The following CCDC39 variants were observed in gnomAD, a reference collection of about 807,000 sequenced individuals.
CCDC39 encodes coiled-coil domain 39 molecular ruler complex subunit.
Under a neutral mutation model 121.0 loss-of-function variants are expected in CCDC39, and 113 were observed. The observed-to-expected ratio is 0.93, with a 90% confidence interval of 0.80 to 1.09. The LOEUF is 1.09. CCDC39 is among the 50% of genes least tolerant of loss of function. The pLI is 0.00. For missense variants in CCDC39, 1,063 were observed against 1,074.7 expected (o/e 0.99, Z 0.15); for synonymous variants, 349 against 352.2 (o/e 0.99, Z 0.10).
chr3:180,669,030 T>C (rs1329194458), intron 1 of CCDC39, among the ~76,000 whole-genome samples: 1 of 152,248 alleles, frequency 6.6e-6, no homozygotes, highest in Non-Finnish European at 1.5e-5. Flanking sequence ...GTAATGCACA[T>C]GAAATGCATG....
intron 13 of CCDC39, among the ~76,000 whole-genome samples, chr3:180,636,058 C>T (rs1424055391): frequency 5.9e-5 from 9 of 152,120 alleles, no homozygotes; most frequent in Admixed American, 6.6e-5. Context: ...ACAAGGATGC[C>T]CTCTCTCGTC....
intron 13 of CCDC39, among the ~76,000 whole-genome samples, chr3:180,635,751 A>T (rs1717810055): frequency 6.6e-6 from 1 of 152,190 alleles, no homozygotes; most frequent in African/African-American, 2.4e-5. Context: ...GCTGATATTG[A>T]GTACCTGCGG....
intron 2 of CCDC39, 52 bp downstream of exon 2, chr3:180,663,815 G>C: frequency 6.4e-7 from 1 of 1,560,480 alleles, no homozygotes; most frequent in South Asian, 1.1e-5. Flanking sequence ...AATATACTAT[G>C]AGATGTTCCA....
intron 1 of CCDC39, among the ~76,000 whole-genome samples, chr3:180,675,817 A>G (rs1474262205): frequency 1.3e-5 from 2 of 152,234 alleles, no homozygotes; most frequent in Admixed American, 6.5e-5. Flanking sequence ...ATGGAACAGA[A>G]TAGAGCCCTC....
chr3:180,671,088 T>C (rs1244073926), intron 1 of CCDC39, among the ~76,000 whole-genome samples: 1 of 151,822 alleles, frequency 6.6e-6, no homozygotes, highest in Non-Finnish European at 1.5e-5. Context: ...GGTATGCACC[T>C]GTAATCCCAC....
intron 1 of CCDC39, among the ~76,000 whole-genome samples, chr3:180,669,104 A>G (rs1218884019): frequency 1.3e-5 from 2 of 152,202 alleles, no homozygotes; most frequent in Non-Finnish European, 2.9e-5. Context: ...TAGACCATTC[A>G]TTAAATAGTT....
At chr3:180,665,802 C>G (rs564135287) in intron 1 of CCDC39, among the ~76,000 whole-genome samples, 134 of 151,426 alleles carry the variant, frequency 8.8e-4, no homozygotes, top group Non-Finnish European at 1.5e-3. Context: ...AGAAACATGC[C>G]TAAGTATTTA....
chr3:180,631,382 T>C, intron 14 of CCDC39, 87 bp downstream of exon 14: 1 of 1,275,188 alleles, frequency 7.8e-7, no homozygotes, highest in Non-Finnish European at 1.1e-6. Context: ...AATATTGTTG[T>C]TTTTTTATTT....
chr3:180,619,750 TC>T (rs1717379214), intron 15 of CCDC39, 60 bp downstream of exon 15: 4 of 992,716 alleles, frequency 4.0e-6, no homozygotes, highest in East Asian at 5.4e-5. Flanking sequence ...CTCACAGTGT[TC>T]CTTTTAACTA....
At chr3:180,639,181 T>C (rs1404064423) in intron 13 of CCDC39, among the ~76,000 whole-genome samples, 2 of 152,112 alleles carry the variant, frequency 1.3e-5, no homozygotes, top group African/African-American at 4.8e-5. Context: ...GCCCACAAGC[T>C]AAGAATGACT....
intron 1 of CCDC39, among the ~76,000 whole-genome samples, chr3:180,665,977 T>C (rs1440059957): frequency 6.6e-6 from 1 of 152,208 alleles, no homozygotes; most frequent in African/African-American, 2.4e-5. Flanking sequence ...ATATACAACA[T>C]AAAATATTCC....
In CCDC39 at chr3:180,654,936, C is replaced by G. The variant is rs768841192; in HGVS notation, c.756G>C (p.Lys252Asn). 6.4e-7 allele frequency: 1 copy of G among 1,566,110 alleles called. No individual in the cohort carries two copies. The highest frequency in any genetic ancestry group is 2.3e-5 in the East Asian group (1 of 42,838). ...AATTTTCTTTTTCTCTCGTTTCCTG[C>G]TTTATCCTTGCTAATTCCTAGGATT... ...DNCALELARIKQETREKENLV... is the reference protein window; with the variant it reads ...DNCALELARINQETREKENLV... The change falls in exon 7 of 20, where the codon AAG becomes AAC. Residue 252 changes from lysine to asparagine, a missense_variant. By Grantham distance (94) the Lys-to-Asn change is moderately conservative. Coordinates refer to ENST00000476379, the MANE Select transcript of CCDC39 (RefSeq NM_181426.2).
At position 180,675,416 on chromosome 3, in the gene CCDC39, C is replaced by T. The variant is rs186382600; in HGVS notation, c.90+3875G>A. Reference sequence around the variant, plus strand: ...CTAGCGGTCTATCAATTTTGTTGATCGTTTCAAAAAACCAGCTCCTGGATT... The same window carrying T: ...CTAGCGGTCTATCAATTTTGTTGATTGTTTCAAAAAACCAGCTCCTGGATT... On this transcript the variant is annotated intron_variant, in intron 1 of 19. Coordinates refer to ENST00000476379, the MANE Select transcript of CCDC39 (RefSeq NM_181426.2). Among the ~76,000 whole-genome samples the T allele has an allele frequency of 9.6e-3, 1,465 of 152,074 alleles. 28 individuals are homozygous for T. Among genetic ancestry groups the T allele is most frequent in the African/African-American group, 0.031 (1,283 of 41,518 alleles).
chr3:180,644,380 G>T, intron 11 of CCDC39, 123 bp from the exon 12 acceptor site: 1 of 567,980 alleles, frequency 1.8e-6, no homozygotes, highest in South Asian at 3.1e-5. Flanking sequence ...ATAATCCTAT[G>T]TTTTATTATC....
chr3:180,664,863 ATT>A (rs11309193), intron 1 of CCDC39, among the ~76,000 whole-genome samples: 4,383 of 143,400 alleles, frequency 0.031, 191 homozygotes, highest in African/African-American at 0.1. Flanking sequence ...CACCTGGCTA[ATT>A]TTTTTTTTTT....
chr3:180,636,858 G>A (rs1717841486), intron 13 of CCDC39, among the ~76,000 whole-genome samples: 1 of 152,086 alleles, frequency 6.6e-6, no homozygotes, highest in South Asian at 2.1e-4. Flanking sequence ...ACATGGTGCT[G>A]GGATAACTTG....
chr3:180,657,438 A>C (rs756063423), intron 6 of CCDC39, among the ~76,000 whole-genome samples: 1 of 152,156 alleles, frequency 6.6e-6, no homozygotes, highest in Non-Finnish European at 1.5e-5. Flanking sequence ...GTAATCTTGG[A>C]TCTCGCACAT....
intron 12 of CCDC39, among the ~76,000 whole-genome samples, chr3:180,643,119 C>T (rs1717996897): frequency 6.6e-6 from 1 of 151,914 alleles, no homozygotes; most frequent in Admixed American, 6.6e-5. Context: ...GCCACCACGC[C>T]CGGCTAATTT....
At chr3:180,644,374 T>A in intron 11 of CCDC39, 117 bp from the exon 12 acceptor site, 1 of 594,410 alleles carries the variant, frequency 1.7e-6, no homozygotes, top group Non-Finnish European at 2.7e-6. Context: ...TTTAAAATAA[T>A]CCTATGTTTT....
Sources: allele counts gnomAD v4.1 joint callset (sites outside exome capture counted in the v4.1 genomes callset), GRCh38; gene constraint gnomAD v4.1.1; transcripts MANE v1.5; gene names NCBI Gene and HGNC (gene_info 2026-07-23, HGNC 2026-07-21).